USH1C: variants seen among roughly 807,000 people sequenced by gnomAD.
USH1C encodes the protein harmonin.
In USH1C, 90 loss-of-function variants were observed where a neutral mutation model predicts 119.3. The ratio of observed to expected loss-of-function variants is 0.75; its 90% CI spans 0.64 to 0.90. USH1C has a LOEUF of 0.90. Among genes scored for constraint, USH1C ranks in the 40% least tolerant of loss-of-function variants. The pLI is 0.00. For synonymous variants in USH1C, 465 were observed against 443.3 expected (o/e 1.05, Z -0.62); for missense variants, 1,165 against 1,167.7 (o/e 1.00, Z 0.03).
chr11:17,511,453 C>G (rs746397738), intron 16 of USH1C, among the ~76,000 whole-genome samples: 1 of 152,036 alleles, frequency 6.6e-6, no homozygotes, highest in East Asian at 1.9e-4. Context: ...AAGGGTTAGC[C>G]GCAGACCATA....
At position 17,509,682 on chromosome 11, in the gene USH1C, C is replaced by T. The variant is rs371282686; in HGVS notation, c.1687G>A (p.Val563Met). 2.5e-6 allele frequency: 4 copies of T among 1,597,018 alleles called. No homozygotes were observed. Among genetic ancestry groups the T allele is most frequent in the Non-Finnish European group, 8.5e-7 (1 of 1,178,124 alleles). The change falls in exon 18 of 27, where the codon GTG (valine) becomes ATG (methionine). Residue 563 changes from valine to methionine, a missense_variant. By Grantham distance (21) the Val-to-Met change is conservative (BLOSUM62 1). Transcript: ENST00000005226. Reference protein sequence around the residue: ...YPPKTPSALPVMPHPPPSNPP... With the variant: ...YPPKTPSALPMMPHPPPSNPP... ...TTGGAGGGTGGAGGGTGGGGCATCACAGGCAAGGCAGAGGGAGTCTTGGGG... is the reference window on the plus strand; with the variant it reads ...TTGGAGGGTGGAGGGTGGGGCATCATAGGCAAGGCAGAGGGAGTCTTGGGG...
At chr11:17,502,603 G>A (rs764096811) in intron 20 of USH1C, among the ~76,000 whole-genome samples, 2 of 152,218 alleles carry the variant, frequency 1.3e-5, no homozygotes, top group Non-Finnish European at 2.9e-5. Flanking sequence ...CAGATTCTGC[G>A]GAGCGCAGGT....
intron 1 of USH1C, among the ~76,000 whole-genome samples, chr11:17,537,451 G>C (rs2133945814): frequency 6.6e-6 from 1 of 152,312 alleles, no homozygotes; most frequent in South Asian, 2.1e-4. Flanking sequence ...ACGGTGCCCA[G>C]TGGCGTCCGT....
At chr11:17,506,181 C>A (rs893970021) in intron 18 of USH1C, among the ~76,000 whole-genome samples, 2 of 152,152 alleles carry the variant, frequency 1.3e-5, no homozygotes, top group African/African-American at 4.8e-5. Flanking sequence ...AGAAATTGGA[C>A]GCTTGAGCTA....
chr11:17,523,326 G>C (rs148317033), intron 10 of USH1C, 59 bp from the exon 11 acceptor site: 6 of 1,613,806 alleles, frequency 3.7e-6, no homozygotes, highest in Admixed American at 1.7e-5. Flanking sequence ...TCCAGGCAGA[G>C]AGCACAGAAG....
At chr11:17,525,553 G>T (rs566481278) in intron 8 of USH1C, among the ~76,000 whole-genome samples, 1 of 152,358 alleles carries the variant, frequency 6.6e-6, no homozygotes, top group East Asian at 1.9e-4. Context: ...GAGGCTCAAA[G>T]TGGTTAAGTA....
Position 17,496,778 on chromosome 11 carries a change from TG to T in USH1C, c.2525del (p.Pro842GlnfsTer8), listed in dbSNP as rs754257195. On this transcript the variant is annotated frameshift_variant, in exon 25 of 27. Transcript: ENST00000005226. LOFTEE classifies it high-confidence loss of function. Reference protein sequence around the residue: ...WIDLVVAVCPPKEYDDELASL... With the variant: ...WIDLVVAVCPXKEYDDELASL... ...CTTACAGCTCATCGTCATACTCCTT[TG>T]GGGGGCAGACGGCAACCACAAGGTC... 5.6e-6 allele frequency: 9 copies of T among 1,614,132 alleles called. No individual in the cohort carries two copies. Among genetic ancestry groups the T allele is most frequent in the Non-Finnish European group, 7.6e-6 (9 of 1,179,990 alleles).
intron 21 of USH1C, 128 bp downstream of exon 21, chr11:17,501,811 G>A (rs1177719587): frequency 6.2e-6 from 7 of 1,122,748 alleles, no homozygotes; most frequent in African/African-American, 4.7e-5. Flanking sequence ...GGGCATCACT[G>A]GGGCTCCTCT....
At chr11:17,539,047 C>T (rs1328951955) in intron 1 of USH1C, among the ~76,000 whole-genome samples, 1 of 152,170 alleles carries the variant, frequency 6.6e-6, no homozygotes, top group Non-Finnish European at 1.5e-5. Flanking sequence ...GCCACCTGCT[C>T]CCTGCTGCCA....
chr11:17,503,512 G>T (rs1027324996), intron 20 of USH1C, among the ~76,000 whole-genome samples: 3 of 152,184 alleles, frequency 2.0e-5, no homozygotes, highest in African/African-American at 7.2e-5. Flanking sequence ...CACGCCCAAG[G>T]TCACCCAGTC....
chr11:17,540,114 G>A (rs1288316810), intron 1 of USH1C, among the ~76,000 whole-genome samples: 1 of 152,084 alleles, frequency 6.6e-6, no homozygotes, highest in Non-Finnish European at 1.5e-5. Flanking sequence ...TTTCAGGCGT[G>A]AGCCGCCACA....
chr11:17,529,591 T>G (rs886371857), intron 4 of USH1C, among the ~76,000 whole-genome samples: 6 of 152,254 alleles, frequency 3.9e-5, no homozygotes, highest in Admixed American at 3.9e-4. Context: ...GTTCCCTGTC[T>G]TATTCCTAAA....
rs1384231647 is a variant in USH1C, at chr11:17,500,987, C to T, written c.2380+64G>A. ...CTCCAAGTGGTCACCTGTTTGCTTTCCGGGAGGGCCCCGTCTAACCACTGT... is the reference window on the plus strand; with the variant it reads ...CTCCAAGTGGTCACCTGTTTGCTTTTCGGGAGGGCCCCGTCTAACCACTGT... On this transcript the variant is annotated intron_variant, in intron 23 of 26. Transcript: ENST00000005226. 6 of 1,434,956 alleles carry T rather than the reference C, an allele frequency of 4.2e-6. No individual in the cohort carries two copies. In the Admixed American group the frequency reaches 7.3e-5, roughly 17 times the overall value. 88.9% of individuals were successfully genotyped at this position (1,434,956 alleles called of 1,614,324 possible). A position where few individuals can be genotyped will look rare whatever the true frequency, so the allele number is the denominator to read the frequency against.
At chr11:17,527,741 A>C (rs1850774455) in intron 4 of USH1C, among the ~76,000 whole-genome samples, 1 of 152,160 alleles carries the variant, frequency 6.6e-6, no homozygotes, top group South Asian at 2.1e-4. Flanking sequence ...CTTTGTCCCA[A>C]CCCACCCCTA....
In USH1C at chr11:17,532,582, G is replaced by A. The variant is rs111824355; in HGVS notation, c.104+673C>T. On this transcript the variant is annotated intron_variant, in intron 2 of 26. Transcript: ENST00000005226. ...CTCAAAGTTCTGGGATTACAGGCAT[G>A]AGCCACCTTGCCTGGCCCCAAATCT... Among the ~76,000 whole-genome samples the A allele has an allele frequency of 4.5e-3, 692 of 152,276 alleles. 4 individuals are homozygous for A. Among genetic ancestry groups the A allele is most frequent in the African/African-American group, 0.016 (662 of 41,564 alleles).
chr11:17,541,071 A>G (rs1851445641), intron 1 of USH1C, among the ~76,000 whole-genome samples: 1 of 152,014 alleles, frequency 6.6e-6, no homozygotes, highest in Non-Finnish European at 1.5e-5. Flanking sequence ...CACTTTAGGG[A>G]ATGCTCTTCT....
intron 14 of USH1C, chr11:17,517,434 GT>G: frequency 6.3e-7 from 1 of 1,596,030 alleles, no homozygotes; most frequent in Non-Finnish European, 8.5e-7. Flanking sequence ...CTCCATCCAG[GT>G]CATCTGCGGG....
At position 17,512,088 on chromosome 11, in the gene USH1C, G is replaced by A. The variant is rs2190454; in HGVS notation, c.1261-34C>T. 1,124,540 of 1,611,520 alleles carry A rather than the reference G, an allele frequency of 0.7. 393,848 individuals are homozygous for A. Among genetic ancestry groups the A allele is most frequent in the Admixed American group, 0.79 (47,463 of 59,988 alleles). The stretch of plus-strand genomic sequence containing the variant: ...ATGTGGCATTGTTTATATGACAAAG[G>A]TTAGAAATAGTGTCGACAGCACAGC... On this transcript the variant is annotated intron_variant, in intron 15 of 26. Transcript: ENST00000005226.
At position 17,531,531 on chromosome 11, in the gene USH1C, A is replaced by G; in HGVS notation, c.116T>C (p.Val39Ala). Residue 39 changes from valine to alanine, a missense_variant, in exon 3 of 27, where the codon GTG becomes GCG. Transcript: ENST00000005226. The surrounding 1 kb of genome is among the most constrained non-coding windows in gnomAD (Gnocchi z 4.2). ...VLRMYHQTMD[V>A]AVLVGDLKLV... ...CTTCAGGTCTCCCACGAGCACGGCC[A>G]CGTCCATGGTCCTGTGGAGATGCCG... The G allele has an allele frequency of 6.2e-7, 1 of 1,613,384 alleles. No homozygotes were observed. The highest frequency in any genetic ancestry group is 2.2e-5 in the East Asian group (1 of 44,866).
Sources: gnomAD v4.1 joint callset for allele counts (sites outside exome capture counted in the v4.1 genomes callset) on GRCh38, gnomAD v4.1.1 for gene constraint, Gnocchi (gnomAD v3.1) non-coding constraint, MANE v1.5 for transcripts, NCBI Gene and HGNC (gene_info 2026-07-23, HGNC 2026-07-21) for gene names.